Variants in RFX2 observed in about 807,000 individuals in gnomAD.
RFX2 encodes DNA-binding protein RFX2.
RFX2 carries 20 observed loss-of-function variants against 87.8 expected under a neutral mutation model. That is an observed-to-expected ratio of 0.23 (90% CI 0.16 to 0.33). The LOEUF is 0.33. Ranked by LOEUF, RFX2 falls within the 10% of genes least tolerant of loss-of-function variation. The pLI is 1.00. For synonymous variants in RFX2, 397 were observed against 431.3 expected (o/e 0.92, Z 0.98); for missense variants, 767 against 1,012.3 (o/e 0.76, Z 3.29).
At chr19:6,036,621 C>T (rs1298619427) in intron 5 of RFX2, among the ~76,000 whole-genome samples, 3 of 152,046 alleles carry the variant, frequency 2.0e-5, no homozygotes, top group Admixed American at 6.6e-5. Flanking sequence ...ATATTAACAC[C>T]CCAATGAAGA....
intron 3 of RFX2, 70 bp from the exon 4 acceptor site, chr19:6,042,193 A>G: frequency 7.4e-7 from 1 of 1,353,794 alleles, no homozygotes; most frequent in Non-Finnish European, 1.1e-6. Context: ...TATTCAAGCT[A>G]GACGTGTCTT....
intron 1 of RFX2, among the ~76,000 whole-genome samples, chr19:6,105,802 G>T (rs1409002201): frequency 1.3e-5 from 2 of 152,094 alleles, no homozygotes; most frequent in Non-Finnish European, 2.9e-5. Flanking sequence ...CTGAGGTTTG[G>T]CCTGAGTAAT....
intron 1 of RFX2, among the ~76,000 whole-genome samples, chr19:6,053,843 C>A (rs2087295466): frequency 6.6e-6 from 1 of 150,726 alleles, no homozygotes; most frequent in Non-Finnish European, 1.5e-5. Flanking sequence ...GTAATTCCAG[C>A]TACTCAGGAG....
intron 3 of RFX2, among the ~76,000 whole-genome samples, chr19:6,042,370 T>C (rs2087123140): frequency 6.6e-6 from 1 of 152,204 alleles, no homozygotes; most frequent in African/African-American, 2.4e-5. Flanking sequence ...AGCGTGTCTG[T>C]GCGCCCTGGC....
Position 5,997,251 on chromosome 19 carries a change from G to C in RFX2, c.1860-38C>G. The C allele has an allele frequency of 6.3e-7, 1 of 1,584,484 alleles. No individual in the cohort carries two copies. Among genetic ancestry groups the C allele is most frequent in the Non-Finnish European group, 8.6e-7 (1 of 1,168,980 alleles). Reference sequence around the variant, plus strand: ...GGACAGAGGCTGGGGACCCTCAGGGGAGCATGGAACCCGGGCCCCAGGCCA... The same window carrying C: ...GGACAGAGGCTGGGGACCCTCAGGGCAGCATGGAACCCGGGCCCCAGGCCA... On this transcript the variant is annotated intron_variant, in intron 15 of 17. Transcript: ENST00000303657. This position sits in a 1 kb window ranked among gnomAD's most constrained non-coding sequence, Gnocchi z 4.2.
At position 6,044,703 on chromosome 19, in the gene RFX2, G is replaced by A. The variant is rs2087164112; in HGVS notation, c.91-421C>T. Reference sequence around the variant, plus strand: ...ACAGAGGGGACTGCTGGGGCCCTCTGGATAGCCATCCGCACCACTGCGTGG... The same window carrying A: ...ACAGAGGGGACTGCTGGGGCCCTCTAGATAGCCATCCGCACCACTGCGTGG... On this transcript the variant is annotated intron_variant, in intron 2 of 17. Coordinates refer to ENST00000303657, the MANE Select transcript of RFX2 (RefSeq NM_000635.4). This position sits in a 1 kb window ranked among gnomAD's most constrained non-coding sequence, Gnocchi z 5.3. Among the ~76,000 whole-genome samples, 1 of 152,240 alleles carries A rather than the reference G, an allele frequency of 6.6e-6. No individual in the cohort carries two copies. The highest frequency in any genetic ancestry group is 6.5e-5 in the Admixed American group (1 of 15,284).
At chr19:6,043,419 C>T (rs12463295) in intron 3 of RFX2, among the ~76,000 whole-genome samples, 14 of 152,250 alleles carry the variant, frequency 9.2e-5, no homozygotes, top group Non-Finnish European at 1.0e-4. Flanking sequence ...TCCTGAAGAG[C>T]GGTGCATTCT....
In RFX2 at chr19:6,026,600, AGT is replaced by A; in HGVS notation, c.523-365_523-364del. 1.0e-5 allele frequency: 3 copies of A among 293,450 alleles called. No homozygotes were observed. The highest frequency in any genetic ancestry group is 3.2e-5 in the South Asian group (1 of 31,306). 18.2% of individuals were successfully genotyped at this position (293,450 alleles called of 1,614,324 possible). On this transcript the variant is annotated intron_variant, in intron 5 of 17. Coordinates refer to ENST00000303657, the MANE Select transcript of RFX2 (RefSeq NM_000635.4). This position sits in a 1 kb window ranked among gnomAD's most constrained non-coding sequence, Gnocchi z 4.5. ...CCAGTGTCAGCCAAGCCAGCATCAT[AGT>A]CACCTGCTCCTTTCCCCACGCCACA...
At chr19:6,052,757 T>C (rs931541671) in intron 1 of RFX2, among the ~76,000 whole-genome samples, 5 of 152,116 alleles carry the variant, frequency 3.3e-5, no homozygotes, top group Non-Finnish European at 5.9e-5. Context: ...ATGCCAAATA[T>C]TTAGAAAACT....
rs57501118 is a variant in RFX2 at position 6,084,643 on chromosome 19, C to CTTTTTTTTTTTTTT, written c.-9+25749_-9+25750insAAAAAAAAAAAAAA. On this transcript the variant is annotated intron_variant, in intron 1 of 17. Coordinates refer to ENST00000303657, the MANE Select transcript of RFX2 (RefSeq NM_000635.4). ...TGTCCTTTTTTTTCTTTCTTTCTTT[C>CTTTTTTTTTTTTTT]TTTTTTTTGAGACAGAATCTCGCTC... is the stretch of plus-strand genomic sequence containing the variant. 6.9e-5 allele frequency among the ~76,000 whole-genome samples: 10 copies of CTTTTTTTTTTTTTT among 145,366 alleles called. 1 individual carries two copies. The highest frequency in any genetic ancestry group is 1.4e-4 in the African/African-American group (5 of 36,700).
intron 9 of RFX2, among the ~76,000 whole-genome samples, chr19:6,009,156 C>T (rs12980432): frequency 0.15 from 22,918 of 152,210 alleles, 2,262 homozygotes; most frequent in Middle Eastern, 0.23. Context: ...AGGCCAGCCA[C>T]GGTGTCCCTG....
At chr19:6,109,806 G>A (rs925052667) in intron 1 of RFX2, among the ~76,000 whole-genome samples, 1 of 151,750 alleles carries the variant, frequency 6.6e-6, no homozygotes, top group Admixed American at 6.6e-5. Flanking sequence ...GTGAGGAGAG[G>A]GTCCCCAAGC....
intron 5 of RFX2, among the ~76,000 whole-genome samples, chr19:6,031,883 A>G (rs1296502127): frequency 2.6e-5 from 4 of 152,148 alleles, no homozygotes; most frequent in Non-Finnish European, 5.9e-5. Flanking sequence ...CAGTGGCATG[A>G]TCATAGCTCA....
At position 5,995,587 on chromosome 19, in the gene RFX2, G is replaced by A. The variant is rs201301974; in HGVS notation, c.2056+14C>T. On this transcript the variant is annotated intron_variant, in intron 17 of 17. Coordinates refer to ENST00000303657, the MANE Select transcript of RFX2 (RefSeq NM_000635.4). Reference sequence around the variant, plus strand: ...CTGGGAGGGTCGTGGTGGGAAAGCCGCAGACGCACCTACCTTTGTCGAGCA... The same window carrying A: ...CTGGGAGGGTCGTGGTGGGAAAGCCACAGACGCACCTACCTTTGTCGAGCA... 522 of 1,551,658 alleles carry A rather than the reference G, an allele frequency of 3.4e-4. No individual in the cohort carries two copies. The highest frequency in any genetic ancestry group is 3.9e-4 in the Non-Finnish European group (453 of 1,146,982).
At position 5,997,102 on chromosome 19, in the gene RFX2, G is replaced by T. The variant is rs200898749; in HGVS notation, c.1971C>A (p.Val657=). Residue 657 remains valine, a synonymous_variant, in exon 16 of 18, where the codon GTC becomes GTA. Transcript: ENST00000303657. This position sits in a 1 kb window ranked among gnomAD's most constrained non-coding sequence, Gnocchi z 4.2. The part of the protein sequence containing the change: ...EYMFYLVEHR[V]AEATGETPIA... ...TCGGCGTCTCTCCGGTGGCCTCCGC[G>T]ACGCGGTGCTCCACCAGGTAGAACA... 1 of 1,613,216 alleles carries T rather than the reference G, an allele frequency of 6.2e-7. No homozygotes were observed. The highest frequency in any genetic ancestry group is 1.3e-5 in the African/African-American group (1 of 74,946).
chr19:6,057,350 T>A (rs2087359302), intron 1 of RFX2: 1 of 152,290 alleles, frequency 6.6e-6, no homozygotes, highest in Non-Finnish European at 1.5e-5. Context: ...TCCCATCACC[T>A]AGTAACCAGC....
At chr19:6,009,578 T>C (rs1186744866) in intron 9 of RFX2, among the ~76,000 whole-genome samples, 1 of 146,126 alleles carries the variant, frequency 6.8e-6, no homozygotes, top group African/African-American at 2.5e-5. Flanking sequence ...GCGTTCTTTC[T>C]TTTTTTTTTT....
chr19:6,002,962 CAGGGAGG>C lies in RFX2; in HGVS notation c.1501-99_1501-93del. ...GGGGTGTGTGGGCTCAGGGACAACACAGGGAGGAGGGAGCAGGAAACAGCAACCTGGG... is the reference window on the plus strand; with the variant it reads ...GGGGTGTGTGGGCTCAGGGACAACACAGGGAGCAGGAAACAGCAACCTGGG... On this transcript the variant is annotated intron_variant, in intron 13 of 17. Transcript: ENST00000303657. This position sits in a 1 kb window ranked among gnomAD's most constrained non-coding sequence, Gnocchi z 6.7. The C allele has an allele frequency of 7.0e-7, 1 of 1,427,900 alleles. No homozygotes were observed. The highest frequency in any genetic ancestry group is 9.4e-7 in the Non-Finnish European group (1 of 1,060,156). 88.5% of individuals were successfully genotyped at this position (1,427,900 alleles called of 1,614,324 possible). A position where few individuals can be genotyped will look rare whatever the true frequency, so the allele number is the denominator to read the frequency against.
chr19:5,994,934 C>T lies in RFX2; in HGVS notation c.2073G>A (p.Glu691=), dbSNP rs2086384596. ...TLLDKDDMGD[E]QRGSEAGPDA... is the part of the protein sequence containing the mutation. ...CTGGGCCCGCCTCGCTGCCACGCTG[C>T]TCATCGCCCATGTCATCTGCGGAGG... The change falls in exon 18 of 18, where the codon GAG becomes GAA. Residue 691 remains glutamate, a synonymous_variant. Transcript: ENST00000303657. 8 of 1,607,652 alleles carry T rather than the reference C, an allele frequency of 5.0e-6. No individual in the cohort carries two copies. Among genetic ancestry groups the T allele is most frequent in the South Asian group, 1.1e-5 (1 of 91,062 alleles).
Sources: gnomAD v4.1 joint callset for allele counts (sites outside exome capture counted in the v4.1 genomes callset) on GRCh38, gnomAD v4.1.1 for gene constraint, Gnocchi (gnomAD v3.1) non-coding constraint, MANE v1.5 for transcripts, NCBI Gene and HGNC (gene_info 2026-07-23, HGNC 2026-07-21) for gene names.